Variants in SORL1 observed in about 807,000 individuals in gnomAD.
SORL1 encodes sortilin-related receptor.
SORL1 carries 127 observed loss-of-function variants against 273.7 expected under a neutral mutation model. That is an observed-to-expected ratio of 0.46 (90% CI 0.40 to 0.54). The LOEUF (loss-of-function observed/expected upper bound fraction) is 0.54, where lower values mean the gene tolerates loss of function less well. Ranked by LOEUF, SORL1 falls within the 20% of genes least tolerant of loss-of-function variation. The probability of loss-of-function intolerance (pLI) is 0.00; values close to 1 mark genes in which losing one functional copy is unlikely to be tolerated. For synonymous variants in SORL1, 1,031 were observed against 1,067.4 expected (o/e 0.97, Z 0.66); for missense variants, 2,494 against 2,846.1 (o/e 0.88, Z 2.81).
At chr11:121,588,982 G>A (rs1220459216) in intron 28 of SORL1, among the ~76,000 whole-genome samples, 1 of 152,180 alleles carries the variant, frequency 6.6e-6, no homozygotes, top group Non-Finnish European at 1.5e-5. Flanking sequence ...ATACAGTCCT[G>A]TTTCTGAGAG....
chr11:121,583,322 A>G (rs896546212), intron 25 of SORL1, 136 bp from the exon 26 acceptor site: 4 of 1,029,714 alleles, frequency 3.9e-6, no homozygotes, highest in Non-Finnish European at 5.3e-6. Flanking sequence ...TTCTCAGCCA[A>G]GGAGAAACCC....
At chr11:121,600,787 G>A (rs1863376437) in intron 32 of SORL1, among the ~76,000 whole-genome samples, 2 of 152,156 alleles carry the variant, frequency 1.3e-5, no homozygotes, top group Non-Finnish European at 2.9e-5. Flanking sequence ...AGGCGACTAA[G>A]TTCTATTCTA....
chr11:121,586,398 C>CTAAA, intron 27 of SORL1, 69 bp downstream of exon 27: 2 of 1,177,172 alleles, frequency 1.7e-6, no homozygotes, highest in Non-Finnish European at 2.6e-6. Flanking sequence ...GTATATTGGA[C>CTAAA]TAAATCCTTT....
chr11:121,615,110 A>G (rs1234382719), intron 41 of SORL1, 55 bp downstream of exon 41: 3 of 1,384,452 alleles, frequency 2.2e-6, no homozygotes, highest in African/African-American at 2.9e-5. Context: ...CCCTAATGCT[A>G]CGCCACCACA....
intron 32 of SORL1, among the ~76,000 whole-genome samples, chr11:121,599,504 AT>A (rs1228303779): frequency 6.6e-6 from 1 of 152,232 alleles, no homozygotes; most frequent in Non-Finnish European, 1.5e-5. Flanking sequence ...AGATCGGGCC[AT>A]TGCACTCCAG....
rs114181443 is a variant in SORL1, at chr11:121,461,912, C to T, written c.286-8095C>T. ...AATGAAAAGAAATGATGTTTTAGTGCGTCGAAGTTTATGAAATGACATCCA... is the reference window on the plus strand; with the variant it reads ...AATGAAAAGAAATGATGTTTTAGTGTGTCGAAGTTTATGAAATGACATCCA... On this transcript the variant is annotated intron_variant, in intron 1 of 47. Transcript: ENST00000260197. Among the ~76,000 whole-genome samples the T allele has an allele frequency of 5.0e-3, 767 of 152,248 alleles. 7 individuals are homozygous for T. Among genetic ancestry groups the T allele is most frequent in the African/African-American group, 0.018 (727 of 41,522 alleles).
Position 121,589,911 on chromosome 11 carries a change from C to T in SORL1, c.4079-129C>T, listed in dbSNP as rs543801009. ...TTCCCCATTGGGTCCATGAAGCTGC[C>T]TTATCTCTTTATGGGTGGGAAGTGT... On this transcript the variant is annotated intron_variant, in intron 29 of 47. Transcript: ENST00000260197. 6 of 1,097,480 alleles carry T rather than the reference C, an allele frequency of 5.5e-6. No homozygotes were observed. The South Asian group carries it at 9.0e-5, about 16-fold the overall frequency. The allele number at this position is 1,097,480 out of a possible 1,614,324, so 68.0% of individuals were successfully genotyped here.
intron 14 of SORL1, among the ~76,000 whole-genome samples, chr11:121,548,862 G>A (rs1011861235): frequency 5.3e-5 from 8 of 152,004 alleles, no homozygotes; most frequent in African/African-American, 1.9e-4. Flanking sequence ...CTACCATGCC[G>A]GACCTAAATA....
intron 24 of SORL1, 136 bp downstream of exon 24, chr11:121,574,499 C>T: frequency 1.3e-6 from 1 of 747,464 alleles, no homozygotes; most frequent in South Asian, 1.9e-5. Context: ...ATGGCTTTCT[C>T]CATCCACATG....
At chr11:121,586,476 C>T (rs1863111839) in intron 27 of SORL1, 147 bp downstream of exon 27, 8 of 675,398 alleles carry the variant, frequency 1.2e-5, no homozygotes, top group South Asian at 9.8e-5. Context: ...GGCTAGGACT[C>T]CTGGAGGCTG....
At chr11:121,513,693 C>T (rs2134845604) in intron 7 of SORL1, among the ~76,000 whole-genome samples, 1 of 152,270 alleles carries the variant, frequency 6.6e-6, no homozygotes, top group South Asian at 2.1e-4. Flanking sequence ...GTAAGTAGCT[C>T]ACTTACTTAC....
rs551565274 is a variant in SORL1 at position 121,541,501 on chromosome 11, C to A, written c.1686-2047C>A. ...CTGGGATTACAGGCATGTGCCACCA[C>A]GCCTAGCCAAATCGATTTTAATAAT... On this transcript the variant is annotated intron_variant, in intron 12 of 47. Coordinates refer to ENST00000260197, the MANE Select transcript of SORL1 (RefSeq NM_003105.6). Among the ~76,000 whole-genome samples, 6 of 152,172 alleles carry A rather than the reference C, an allele frequency of 3.9e-5. No homozygotes were observed. In the East Asian group the frequency reaches 1.2e-3, roughly 29 times the overall value.
At chr11:121,502,953 G>A (rs550946507) in intron 6 of SORL1, among the ~76,000 whole-genome samples, 5 of 151,808 alleles carry the variant, frequency 3.3e-5, no homozygotes, top group African/African-American at 4.8e-5. Context: ...CACTGCAGCC[G>A]TGATCTTCGT....
At chr11:121,538,271 A>G (rs762221248) in intron 12 of SORL1, among the ~76,000 whole-genome samples, 25 of 151,598 alleles carry the variant, frequency 1.6e-4, no homozygotes, top group Non-Finnish European at 3.2e-4. Context: ...TGAAGGGTGC[A>G]TGTCAAGATG....
In SORL1 at chr11:121,608,376, C is replaced by T. The variant is rs952298508; in HGVS notation, c.5239+200C>T. 1.1e-5 allele frequency: 6 copies of T among 563,300 alleles called. No individual in the cohort carries two copies. In the Admixed American group the frequency reaches 1.3e-4, roughly 12 times the overall value. The allele number at this position is 563,300 out of a possible 1,614,324, so 34.9% of individuals were successfully genotyped here. On this transcript the variant is annotated intron_variant, in intron 38 of 47. Transcript: ENST00000260197. ...TTTGGGGTGACTGAGTGTCTTTTTC[C>T]TCCTAGTATTGAGCATTTCTTCTAA...
At chr11:121,463,098 G>C (rs1861027747) in intron 1 of SORL1, among the ~76,000 whole-genome samples, 1 of 152,134 alleles carries the variant, frequency 6.6e-6, no homozygotes, top group Non-Finnish European at 1.5e-5. Context: ...GGTATTTGCT[G>C]TGCTCACTCT....
At chr11:121,575,344 T>G (rs1283121641) in intron 24 of SORL1, among the ~76,000 whole-genome samples, 1 of 152,254 alleles carries the variant, frequency 6.6e-6, no homozygotes, top group Non-Finnish European at 1.5e-5. Context: ...GGAGACATTA[T>G]GCAATCAGCA....
At chr11:121,476,624 T>C (rs1027695216) in intron 2 of SORL1, among the ~76,000 whole-genome samples, 19 of 152,314 alleles carry the variant, frequency 1.2e-4, no homozygotes, top group African/African-American at 4.3e-4. Flanking sequence ...CAAAACATGT[T>C]TGCTGATGAC....
chr11:121,487,265 C>T (rs1861488417), intron 3 of SORL1, among the ~76,000 whole-genome samples: 1 of 152,206 alleles, frequency 6.6e-6, no homozygotes, highest in South Asian at 2.1e-4. Flanking sequence ...GTGGCAGCTC[C>T]TGAGCGTCTG....
Sources: allele counts gnomAD v4.1 joint callset (sites outside exome capture counted in the v4.1 genomes callset), GRCh38; gene constraint gnomAD v4.1.1; transcripts MANE v1.5; gene names NCBI Gene and HGNC (gene_info 2026-07-23, HGNC 2026-07-21).